PSD2: variants seen among roughly 807,000 people sequenced by gnomAD.
PSD2 encodes the protein PH and SEC7 domain-containing protein 2.
PSD2 carries 38 observed loss-of-function variants against 69.8 expected under a neutral mutation model. The observed-to-expected ratio is 0.54, with a 90% confidence interval of 0.42 to 0.71. The LOEUF (loss-of-function observed/expected upper bound fraction) is 0.71, where lower values mean the gene tolerates loss of function less well. PSD2 is among the 30% of genes least tolerant of loss of function. The pLI, the probability that PSD2 is intolerant of heterozygous loss-of-function variation, is 0.00. For missense variants in PSD2, 943 were observed against 1,014.5 expected (o/e 0.93, Z 0.96); for synonymous variants, 412 against 423.0 (o/e 0.97, Z 0.32).
chr5:139,815,089 C>T lies in PSD2; in HGVS notation c.1016+725C>T, dbSNP rs533599228. On this transcript the variant is annotated intron_variant, in intron 4 of 14. Coordinates refer to ENST00000274710, the MANE Select transcript of PSD2 (RefSeq NM_032289.4). ...TCACAGGGCTGGGAGACAGTCCAGA[C>T]CCTTGTCCATGAGTGGGAGATGACA... 3.3e-5 allele frequency among the ~76,000 whole-genome samples: 5 copies of T among 152,274 alleles called. 1 individual carries two copies. Among genetic ancestry groups the T allele is most frequent in the Admixed American group, 3.3e-4 (5 of 15,298 alleles).
At chr5:139,793,254 G>A (rs890822310), upstream of PSD2, among the ~76,000 whole-genome samples, 8 of 152,150 alleles carry the variant, frequency 5.3e-5, no homozygotes, top group African/African-American at 1.9e-4. Flanking sequence ...TGACCCTGCT[G>A]TCTTTCAGGA....
At chr5:139,812,274 G>A (rs1277635011) in intron 2 of PSD2, among the ~76,000 whole-genome samples, 1 of 152,186 alleles carries the variant, frequency 6.6e-6, no homozygotes, top group African/African-American at 2.4e-5. Flanking sequence ...GGCAGGTCAT[G>A]GTTTAGATCG....
the PSD2 span, among the ~76,000 whole-genome samples, chr5:139,759,848 C>T: frequency 6.6e-6 from 1 of 152,266 alleles, no homozygotes; most frequent in South Asian, 2.1e-4. Flanking sequence ...CCCCTCAAGC[C>T]TGTCAGCCCT....
chr5:139,835,424 C>A (rs1760692176), intron 8 of PSD2, among the ~76,000 whole-genome samples: 1 of 152,198 alleles, frequency 6.6e-6, no homozygotes, highest in Non-Finnish European at 1.5e-5. Context: ...TGCTGTATGT[C>A]AAGTTCTGGA....
Position 139,836,795 on chromosome 5 carries a change from C to A in PSD2, c.1404-16C>A. The A allele has an allele frequency of 6.2e-7, 1 of 1,612,122 alleles. No homozygotes were observed. Among genetic ancestry groups the A allele is most frequent in the Non-Finnish European group, 8.5e-7 (1 of 1,178,620 alleles). On this transcript the variant is annotated splice_polypyrimidine_tract_variant and intron_variant, in intron 9 of 14. Transcript: ENST00000274710. ...GGCCTCCCTGGAGGTGGTGCTCAGG[C>A]CTAGTACTTCCCTAGTGATGAGGAT...
Position 139,808,512 on chromosome 5 carries a change from C to T in PSD2, c.-50-879C>T, listed in dbSNP as rs372165830. Among the ~76,000 whole-genome samples the T allele has an allele frequency of 3.1e-4, 47 of 152,288 alleles. 1 individual carries two copies. The South Asian group carries it at 8.7e-3, about 28-fold the overall frequency. The stretch of plus-strand genomic sequence containing the variant: ...TGAGGAGGCCTGACCTGGACTCACA[C>T]GAGGTCATGCAGGGAGTTGGGCAGA... On this transcript the variant is annotated intron_variant, in intron 1 of 14. Transcript: ENST00000274710.
intron 5 of PSD2, among the ~76,000 whole-genome samples, chr5:139,820,246 T>G (rs962725730): frequency 6.6e-6 from 1 of 150,732 alleles, no homozygotes; most frequent in South Asian, 2.1e-4. Context: ...GGAGTAGGAG[T>G]TGGGATGGAT....
the PSD2 span, among the ~76,000 whole-genome samples, chr5:139,765,599 G>A: frequency 6.6e-6 from 1 of 152,236 alleles, no homozygotes; most frequent in Non-Finnish European, 1.5e-5. Context: ...CCAAGCCCAA[G>A]CTCCGCCGGG....
chr5:139,818,093 G>GC (rs1760167372), intron 5 of PSD2, among the ~76,000 whole-genome samples: 2 of 152,126 alleles, frequency 1.3e-5, no homozygotes, highest in Admixed American at 1.3e-4. Context: ...GATGGGTGCA[G>GC]CCCTGTAGTA....
the PSD2 span, among the ~76,000 whole-genome samples, chr5:139,752,516 C>T: frequency 6.6e-6 from 1 of 152,182 alleles, no homozygotes; most frequent in Non-Finnish European, 1.5e-5. Flanking sequence ...AGTGCACACA[C>T]AGCACAAATA....
At chr5:139,795,646 C>T (rs1242228582), upstream of PSD2, among the ~76,000 whole-genome samples, 2 of 151,832 alleles carry the variant, frequency 1.3e-5, no homozygotes, top group African/African-American at 4.8e-5. This position sits in a 1 kb window ranked among gnomAD's most constrained non-coding sequence, Gnocchi z 4.5. Flanking sequence ...CTCGGGGTCC[C>T]GGGGCGAGCG....
chr5:139,839,623 T>C lies in PSD2; in HGVS notation c.1969-404T>C, dbSNP rs1415592651. ...AATGTAAGAGAACGCGTGTATCATA[T>C]GGAGCAGGGGATAGCGGGGCCAGGC... On this transcript the variant is annotated intron_variant, in intron 13 of 14. Transcript: ENST00000274710. This position sits in a 1 kb window ranked among gnomAD's most constrained non-coding sequence, Gnocchi z 5.1. Among the ~76,000 whole-genome samples the C allele has an allele frequency of 6.6e-6, 1 of 152,186 alleles. No homozygotes were observed. The highest frequency in any genetic ancestry group is 2.4e-5 in the African/African-American group (1 of 41,452).
chr5:139,762,491 C>T, the PSD2 span, among the ~76,000 whole-genome samples: 2 of 152,328 alleles, frequency 1.3e-5, no homozygotes, highest in Admixed American at 6.5e-5. Context: ...CAGGTGTGCA[C>T]CACAATGCCT....
At chr5:139,817,880 TCTG>T (rs2126944920) in intron 5 of PSD2, among the ~76,000 whole-genome samples, 1 of 152,318 alleles carries the variant, frequency 6.6e-6, no homozygotes, top group Admixed American at 6.5e-5. Flanking sequence ...TACTGCATCC[TCTG>T]TACCCAGTAA....
chr5:139,757,190 T>C, the PSD2 span, among the ~76,000 whole-genome samples: 1 of 152,168 alleles, frequency 6.6e-6, no homozygotes. Flanking sequence ...GGCAAAGGGT[T>C]TGGAGCTGCC....
At chr5:139,793,534 G>A (rs987095306), upstream of PSD2, among the ~76,000 whole-genome samples, 3 of 152,206 alleles carry the variant, frequency 2.0e-5, no homozygotes, top group African/African-American at 7.2e-5. Flanking sequence ...AGGACAGGGG[G>A]CAGATCCAGG....
chr5:139,760,081 T>A, the PSD2 span, among the ~76,000 whole-genome samples: 1 of 152,242 alleles, frequency 6.6e-6, no homozygotes, highest in Non-Finnish European at 1.5e-5. Context: ...CTCTACTCCC[T>A]GACCTTCGGT....
In PSD2 at chr5:139,836,922, C is replaced by G; in HGVS notation, c.1515C>G (p.Val505=). 3 of 1,614,170 alleles carry G rather than the reference C, an allele frequency of 1.9e-6. No homozygotes were observed. Among genetic ancestry groups the G allele is most frequent in the Non-Finnish European group, 2.5e-6 (3 of 1,180,024 alleles). Residue 505 remains valine (V), a synonymous_variant, in exon 10 of 15, where the codon GTC becomes GTG. Transcript: ENST00000274710. ...ILDGGNPFLD[V]PQALSATTYK... ...ATGGTGGCAACCCCTTCCTGGATGT[C>G]CCACAGGCGCTCAGTGCCACCACCT...
intron 1 of PSD2, among the ~76,000 whole-genome samples, chr5:139,801,038 C>G (rs1759658982): frequency 6.6e-6 from 1 of 152,026 alleles, no homozygotes; most frequent in South Asian, 2.1e-4. Flanking sequence ...AATTCCGTCT[C>G]TACTAAAAAT....
Sources: gnomAD v4.1 joint callset for allele counts (sites outside exome capture counted in the v4.1 genomes callset) on GRCh38, gnomAD v4.1.1 for gene constraint, Gnocchi (gnomAD v3.1) non-coding constraint, MANE v1.5 for transcripts, NCBI Gene and HGNC (gene_info 2026-07-23, HGNC 2026-07-21) for gene names.